The following ELAPOR1 variants were observed in gnomAD, a reference collection of about 807,000 sequenced individuals.
ELAPOR1 encodes the protein endosome/lysosome-associated apoptosis and autophagy regulator 1.
ELAPOR1 carries 77 observed loss-of-function variants against 119.7 expected under a neutral mutation model. The observed-to-expected ratio is 0.64, with a 90% CI of 0.54 to 0.78. The LOEUF is 0.78. ELAPOR1 is among the 30% of genes least tolerant of loss of function. The pLI, the probability that ELAPOR1 is intolerant of heterozygous loss-of-function variation, is 0.00. For missense variants in ELAPOR1, 1,115 were observed against 1,270.4 expected, an observed-to-expected ratio of 0.88 and a Z score of 1.86; for synonymous variants, 481 against 487.2, an observed-to-expected ratio of 0.99 and a Z score of 0.17.
rs1238910111 is a variant in ELAPOR1, at chr1:109,206,022, C to CA, written c.*3010_*3011insA. On this transcript the variant is annotated 3_prime_UTR_variant, in exon 22 of 22. Transcript: ENST00000369939. ...CAAACACATGTTCAATTTTCTTTTC[C>CA]TTTTTTTTTTTGAGACAGAGTCAGC... 1.4e-5 allele frequency: 2 copies of CA among 147,992 alleles called. No homozygotes were observed. Among genetic ancestry groups the CA allele is most frequent in the African/African-American group, 4.9e-5 (2 of 40,474 alleles). 9.2% of individuals were successfully genotyped at this position (147,992 alleles called of 1,614,324 possible). A position where few individuals can be genotyped will look rare whatever the true frequency, so the allele number is the denominator to read the frequency against.
At chr1:109,153,262 A>G (rs1650649367) in intron 1 of ELAPOR1, among the ~76,000 whole-genome samples, 1 of 152,192 alleles carries the variant, frequency 6.6e-6, no homozygotes, top group Admixed American at 6.5e-5. Flanking sequence ...TTGATCAACA[A>G]TCTCAAAGAA....
intron 3 of ELAPOR1, among the ~76,000 whole-genome samples, chr1:109,169,583 T>A (rs1223846471): frequency 6.6e-6 from 1 of 152,212 alleles, no homozygotes; most frequent in Non-Finnish European, 1.5e-5. Flanking sequence ...AAACCTGGGC[T>A]GGTCTCAGGC....
intron 8 of ELAPOR1, among the ~76,000 whole-genome samples, chr1:109,186,231 G>A (rs1653034911): frequency 1.3e-5 from 2 of 152,112 alleles, no homozygotes; most frequent in Non-Finnish European, 2.9e-5. Context: ...AGACACAGCA[G>A]GAGAGGAGGC....
intron 7 of ELAPOR1, among the ~76,000 whole-genome samples, chr1:109,184,195 A>G (rs1652914800): frequency 6.6e-6 from 1 of 152,148 alleles, no homozygotes; most frequent in Admixed American, 6.6e-5. Context: ...AACATGGAGA[A>G]ACTCCGTCTC....
intron 8 of ELAPOR1, among the ~76,000 whole-genome samples, chr1:109,186,202 G>C (rs530970334): frequency 6.6e-6 from 1 of 152,192 alleles, no homozygotes; most frequent in East Asian, 1.9e-4. Context: ...GGGAGGAGCC[G>C]TGGAGCTTTC....
At position 109,172,028 on chromosome 1, in the gene ELAPOR1, A is replaced by C; in HGVS notation, c.615+15A>C. On this transcript the variant is annotated intron_variant, in intron 4 of 21. Transcript: ENST00000369939. ...TTGAGTTTTTCGTAAGCCCCTGGCCAAGGTGGAGGGTGGGAGCTAAAAAGC... is the reference window on the plus strand; with the variant it reads ...TTGAGTTTTTCGTAAGCCCCTGGCCCAGGTGGAGGGTGGGAGCTAAAAAGC... The C allele has an allele frequency of 6.2e-7, 1 of 1,614,146 alleles. No individual in the cohort carries two copies. The highest frequency in any genetic ancestry group is 2.2e-5 in the East Asian group (1 of 44,880).
intron 11 of ELAPOR1, 135 bp downstream of exon 11, chr1:109,189,817 G>C: frequency 1.4e-6 from 1 of 701,256 alleles, no homozygotes; most frequent in Non-Finnish European, 2.5e-6. Flanking sequence ...GAGAACAGAG[G>C]GTACAGTTTG....
At chr1:109,131,227 A>G (rs1393554101) in intron 1 of ELAPOR1, among the ~76,000 whole-genome samples, 1 of 152,206 alleles carries the variant, frequency 6.6e-6, no homozygotes, top group Non-Finnish European at 1.5e-5. Context: ...TTTTTATGAC[A>G]TAGCAGCCAG....
intron 18 of ELAPOR1, among the ~76,000 whole-genome samples, chr1:109,198,984 G>T (rs1653999100): frequency 6.6e-6 from 1 of 152,222 alleles, no homozygotes; most frequent in Non-Finnish European, 1.5e-5. Flanking sequence ...TATCATGGAT[G>T]CATTTCTTAC....
At chr1:109,137,810 G>T (rs1649573535) in intron 1 of ELAPOR1, among the ~76,000 whole-genome samples, 3 of 152,238 alleles carry the variant, frequency 2.0e-5, no homozygotes, top group African/African-American at 7.2e-5. Context: ...TTACAGGCGT[G>T]AGCCACCGCG....
chr1:109,157,893 C>A (rs1312901292), intron 1 of ELAPOR1, among the ~76,000 whole-genome samples: 2 of 152,108 alleles, frequency 1.3e-5, no homozygotes, highest in Non-Finnish European at 2.9e-5. Flanking sequence ...ATAAACAGTT[C>A]CTTTTTTTAT....
chr1:109,146,421 G>C (rs1478960318), intron 1 of ELAPOR1, among the ~76,000 whole-genome samples: 1 of 152,174 alleles, frequency 6.6e-6, no homozygotes. Context: ...TGTGGAAGCT[G>C]TGTGGCTCTT....
chr1:109,120,832 ATGAATTC>A (rs1207334897), intron 1 of ELAPOR1, among the ~76,000 whole-genome samples: 4 of 152,194 alleles, frequency 2.6e-5, no homozygotes, highest in African/African-American at 9.7e-5. Context: ...AACTGGACAG[ATGAATTC>A]TCATTCAGAT....
In ELAPOR1 at chr1:109,144,061, A is replaced by ATAT; in HGVS notation, c.154-17832_154-17831insATT. Reference sequence around the variant, plus strand: ...TATATATATATATATATATTTATATATTTTTTTTTTTTTTTGAGATGGAGT... The same window carrying ATAT: ...TATATATATATATATATATTTATATATATTTTTTTTTTTTTTTTGAGATGGAGT... On this transcript the variant is annotated intron_variant, in intron 1 of 21. Transcript: ENST00000369939. 7.2e-3 allele frequency among the ~76,000 whole-genome samples: 644 copies of ATAT among 88,868 alleles called. 26 individuals are homozygous for ATAT. The highest frequency in any genetic ancestry group is 9.6e-3 in the East Asian group (32 of 3,324). 58.3% of individuals were successfully genotyped at this position (88,868 alleles called of 152,430 possible). A position where few individuals can be genotyped will look rare whatever the true frequency, so the allele number is the denominator to read the frequency against.
chr1:109,164,717 A>T, intron 3 of ELAPOR1, 26 bp downstream of exon 3: 1 of 1,574,784 alleles, frequency 6.4e-7, no homozygotes, highest in South Asian at 1.1e-5. Flanking sequence ...CCCCCACCCC[A>T]CCCCCAGCCC....
At chr1:109,146,109 C>G in intron 1 of ELAPOR1, among the ~76,000 whole-genome samples, 1 of 152,084 alleles carries the variant, frequency 6.6e-6, no homozygotes. Flanking sequence ...CTCAGGAATT[C>G]GAGACCAGCC....
At chr1:109,119,386 G>T (rs996151468) in intron 1 of ELAPOR1, among the ~76,000 whole-genome samples, 1 of 151,102 alleles carries the variant, frequency 6.6e-6, no homozygotes, top group East Asian at 1.9e-4. Context: ...GTTTCTCCAT[G>T]TTGCCCAGGC....
intron 11 of ELAPOR1, among the ~76,000 whole-genome samples, chr1:109,190,015 G>A (rs762295665): frequency 3.3e-5 from 5 of 152,148 alleles, no homozygotes; most frequent in Non-Finnish European, 7.4e-5. Flanking sequence ...AATGCCCATA[G>A]ACAGTTCATC....
Position 109,197,646 on chromosome 1 carries a change from G to A in ELAPOR1, c.2294G>A (p.Arg765Gln), listed in dbSNP as rs373490256. Residue 765 changes from arginine to glutamine, a missense_variant, in exon 16 of 22, where the codon CGA (arginine) becomes CAA (glutamine). Transcript: ENST00000369939. ...VSSQPVSLAD[R>Q]LIGVTTDMTL... The stretch of plus-strand genomic sequence containing the variant: ...TCACAGCCTGTCAGCCTTGCTGATC[G>A]ACTTATTGGTGAGTAACTCCGCTGC... 1.6e-5 allele frequency: 26 copies of A among 1,613,512 alleles called. No homozygotes were observed. The highest frequency in any genetic ancestry group is 6.7e-5 in the Admixed American group (4 of 59,964).
Sources: allele counts gnomAD v4.1 joint callset (sites outside exome capture counted in the v4.1 genomes callset), GRCh38; gene constraint gnomAD v4.1.1; transcripts MANE v1.5; gene names NCBI Gene and HGNC (gene_info 2026-07-23, HGNC 2026-07-21).